FKBP11: variants seen among roughly 807,000 people sequenced by gnomAD.
The protein encoded by FKBP11 is FKBP prolyl isomerase 11.
FKBP11 carries 21 observed loss-of-function variants against 24.7 expected under a neutral mutation model. The observed-to-expected ratio is 0.85, with a 90% CI of 0.60 to 1.23. The LOEUF is 1.23. FKBP11 is among the 50% of genes most tolerant of loss of function. The pLI, the probability that FKBP11 is intolerant of heterozygous loss-of-function variation, is 0.00. For missense variants in FKBP11, 245 were observed against 248.7 expected, an observed-to-expected ratio of 0.99 and a Z score of 0.10; for synonymous variants, 106 against 100.6, an observed-to-expected ratio of 1.05 and a Z score of -0.32.
chr12:48,923,385 ACT>A, intron 5 of FKBP11: 1 of 1,451,712 alleles, frequency 6.9e-7, no homozygotes, highest in Admixed American at 2.8e-5. Context: ...GATTATTTTT[ACT>A]GTCTCTTCCC....
chr12:48,931,402 T>A (rs536786014), upstream of FKBP11: 16 of 1,535,458 alleles, frequency 1.0e-5, no homozygotes, highest in African/African-American at 2.1e-4. Flanking sequence ...AAACACAATA[T>A]CCACCCACAG....
chr12:48,934,074 TA>T, the FKBP11 span, among the ~76,000 whole-genome samples: 1 of 152,098 alleles, frequency 6.6e-6, no homozygotes, highest in Non-Finnish European at 1.5e-5. Context: ...AGCAGATGCC[TA>T]AAAACATCGA....
chr12:48,929,736 C>T (rs1198253708), upstream of FKBP11, among the ~76,000 whole-genome samples: 1 of 152,182 alleles, frequency 6.6e-6, no homozygotes, highest in African/African-American at 2.4e-5. Flanking sequence ...GTGTCTGACA[C>T]ATCAATGCTC....
chr12:48,932,266 T>TTC, the FKBP11 span, among the ~76,000 whole-genome samples: 1 of 25,990 alleles, frequency 3.8e-5, no homozygotes, highest in African/African-American at 1.3e-4. Context: ...TATATATTTT[T>TTC]TTTTTTTTTT....
upstream of FKBP11, among the ~76,000 whole-genome samples, chr12:48,927,982 T>C (rs1002257176): frequency 2.0e-4 from 30 of 150,802 alleles, no homozygotes; most frequent in Non-Finnish European, 3.8e-4. Flanking sequence ...GAAAGAGTAG[T>C]TCAATCTGTA....
At chr12:48,936,608 ACCT>A in the FKBP11 span, 1 of 152,524 alleles carries the variant, frequency 6.6e-6, no homozygotes, top group South Asian at 2.1e-4. Context: ...CACCAAGGCA[ACCT>A]CCTAACATTT....
At position 48,924,162 on chromosome 12, in the gene FKBP11, C is replaced by T. The variant is rs560325580; in HGVS notation, c.317+61G>A. On this transcript the variant is annotated intron_variant, in intron 4 of 5. Transcript: ENST00000550765. ...TCTCCTGCTTAAGGAGTGAGGATGGCCGAGAAAGCCTCTACCCATGCAAAG... is the reference window on the plus strand; with the variant it reads ...TCTCCTGCTTAAGGAGTGAGGATGGTCGAGAAAGCCTCTACCCATGCAAAG... The T allele has an allele frequency of 7.4e-5, 117 of 1,591,580 alleles. No homozygotes were observed. In the East Asian group the frequency reaches 2.2e-3, roughly 30 times the overall value.
the FKBP11 span, chr12:48,938,500 A>G: frequency 2.2e-6 from 1 of 450,940 alleles, no homozygotes; most frequent in Non-Finnish European, 4.5e-6. Flanking sequence ...ACGCAAACAC[A>G]GAGAGGCCCG....
chr12:48,930,850 C>T (rs972057091), upstream of FKBP11, among the ~76,000 whole-genome samples: 3 of 152,094 alleles, frequency 2.0e-5, no homozygotes, highest in Non-Finnish European at 4.4e-5. Flanking sequence ...AGTTGTAGGC[C>T]GGGTGCAGTG....
intron 3 of FKBP11, 43 bp downstream of exon 3, chr12:48,924,518 C>T (rs777577330): frequency 4.5e-5 from 70 of 1,564,384 alleles, no homozygotes; most frequent in Non-Finnish European, 6.1e-5. Context: ...TAAGAAAGGG[C>T]TTAGGTTGGG....
upstream of FKBP11, among the ~76,000 whole-genome samples, chr12:48,930,302 T>C (rs1467360875): frequency 1.3e-5 from 2 of 152,170 alleles, no homozygotes; most frequent in Non-Finnish European, 2.9e-5. Context: ...CACAAACATG[T>C]GTCAGCACAT....
the FKBP11 span, chr12:48,938,390 T>A: frequency 4.4e-6 from 2 of 454,326 alleles, no homozygotes; most frequent in South Asian, 3.1e-5. Flanking sequence ...GTGGGCAGTG[T>A]CCTGGCTGCA....
In FKBP11 at chr12:48,925,469, T is replaced by C. The variant is rs1184342574; in HGVS notation, c.-41A>G. The stretch of plus-strand genomic sequence containing the variant: ...AGGGAGCCGGGGCACCAGGACAGGC[T>C]GTTCGGGTGGCGGCAGCCAGGACAG... On this transcript the variant is annotated 5_prime_UTR_variant, in exon 1 of 6. Coordinates refer to ENST00000550765, the MANE Select transcript of FKBP11 (RefSeq NM_016594.3). 16 of 1,533,210 alleles carry C rather than the reference T, an allele frequency of 1.0e-5. No individual in the cohort carries two copies. The South Asian group carries it at 1.4e-4, about 14-fold the overall frequency. 95.0% of individuals were successfully genotyped at this position (1,533,210 alleles called of 1,614,324 possible).
chr12:48,938,132 G>A, the FKBP11 span: 5 of 330,576 alleles, frequency 1.5e-5, no homozygotes, highest in African/African-American at 8.6e-5. Flanking sequence ...GTAAGGCAGA[G>A]CAGAGTGGCA....
upstream of FKBP11, among the ~76,000 whole-genome samples, chr12:48,928,860 T>C (rs1330734877): frequency 7.0e-6 from 1 of 143,704 alleles, no homozygotes; most frequent in East Asian, 2.0e-4. Context: ...TCTGACTCTG[T>C]TGCCCAGGCT....
At chr12:48,927,065 C>G (rs1345819205), upstream of FKBP11, among the ~76,000 whole-genome samples, 1 of 152,172 alleles carries the variant, frequency 6.6e-6, no homozygotes, top group East Asian at 1.9e-4. Flanking sequence ...GCCTCAGCAT[C>G]CCGAAGTGCT....
At chr12:48,931,334 G>A (rs1940047836), upstream of FKBP11, 1 of 1,252,052 alleles carries the variant, frequency 8.0e-7, no homozygotes, top group Non-Finnish European at 1.1e-6. Context: ...GGAACCTGAA[G>A]GGGAAGAGGA....
upstream of FKBP11, among the ~76,000 whole-genome samples, chr12:48,927,959 T>C (rs1475464885): frequency 6.7e-6 from 1 of 150,064 alleles, no homozygotes; most frequent in East Asian, 1.9e-4. Context: ...TCAAGTGCAG[T>C]AGTGAGAAGG....
Position 48,925,449 on chromosome 12 carries a change from G to A in FKBP11, c.-21C>T. 6.5e-7 allele frequency: 1 copy of A among 1,548,740 alleles called. No individual in the cohort carries two copies. The highest frequency in any genetic ancestry group is 8.7e-7 in the Non-Finnish European group (1 of 1,148,364). ...GTCATGACTGGGCGCGGGGCAGGGA[G>A]CCGGGGCACCAGGACAGGCTGTTCG... On this transcript the variant is annotated 5_prime_UTR_variant, in exon 1 of 6. Transcript: ENST00000550765.
Sources: gnomAD v4.1 joint callset for allele counts (sites outside exome capture counted in the v4.1 genomes callset) on GRCh38, gnomAD v4.1.1 for gene constraint, MANE v1.5 for transcripts, NCBI Gene and HGNC (gene_info 2026-07-23, HGNC 2026-07-21) for gene names.